The following LRP6 variants were observed in gnomAD, a reference collection of about 807,000 sequenced individuals.
LRP6 encodes the protein low-density lipoprotein receptor-related protein 6.
Under a neutral mutation model 184.1 loss-of-function variants are expected in LRP6, and 43 were observed. That is an observed-to-expected ratio of 0.23 (90% confidence interval 0.18 to 0.30). The LOEUF (loss-of-function observed/expected upper bound fraction) is 0.30. Among genes scored for constraint, LRP6 ranks in the 10% least tolerant of loss-of-function variants. The probability of loss-of-function intolerance (pLI) is 1.00; values close to 1 mark genes in which losing one functional copy is unlikely to be tolerated. For synonymous variants in LRP6, 719 were observed against 684.9 expected (o/e 1.05, Z -0.78); for missense variants, 1,571 against 2,005.3 (o/e 0.78, Z 4.14).
intron 16 of LRP6, among the ~76,000 whole-genome samples, chr12:12,135,920 C>A (rs964546113): frequency 6.6e-6 from 1 of 151,806 alleles, no homozygotes; most frequent in Non-Finnish European, 1.5e-5. Flanking sequence ...TGCGGTGGCT[C>A]ACGCCTGTAA....
chr12:12,244,596 C>T lies in LRP6; in HGVS notation c.115G>A (p.Gly39Ser), dbSNP rs147654774. The T allele has an allele frequency of 1.3e-4, 203 of 1,614,006 alleles. No individual in the cohort carries two copies. Among genetic ancestry groups the T allele is most frequent in the Non-Finnish European group, 1.6e-4 (193 of 1,180,004 alleles). The change falls in exon 2 of 23, where the codon GGC (glycine) becomes AGC (serine). Residue 39 changes from glycine (G) to serine (S), a missense_variant. Gly to Ser is a moderately conservative substitution (Grantham distance 56). This residue lies in a region of LRP6 where 640 missense variants were observed against 851.9 expected (regional missense o/e 0.75). Transcript: ENST00000261349. ...ACTACAATCGTAGCATTCTCTTTGC[C>T]ATTTGTAGCATCAACCAATCGCAAG... is the stretch of plus-strand genomic sequence containing the variant. ...RDLRLVDATN[G>S]KENATIVVGG...
intron 1 of LRP6, 83 bp downstream of exon 1, chr12:12,266,598 T>C (rs1865771047): frequency 2.0e-6 from 2 of 986,848 alleles, no homozygotes; most frequent in Admixed American, 2.0e-5. Context: ...CCTTCCTCCG[T>C]CCCTCCCCTC....
chr12:12,244,145 G>T, intron 2 of LRP6, 117 bp downstream of exon 2: 3 of 998,070 alleles, frequency 3.0e-6, no homozygotes, highest in Non-Finnish European at 4.6e-6. Flanking sequence ...GAAGCCCAAA[G>T]AATCTAAAAT....
chr12:12,187,757 C>T lies in LRP6; in HGVS notation c.648-638G>A, dbSNP rs970261877. The stretch of plus-strand genomic sequence containing the variant: ...TAGCTGACTTTTCACTATATTCAGG[C>T]AGCCAAAAAGAAGTCCTGTTAGTGG... On this transcript the variant is annotated intron_variant, in intron 3 of 22. Coordinates refer to ENST00000261349, the MANE Select transcript of LRP6 (RefSeq NM_002336.3). 3.9e-5 allele frequency among the ~76,000 whole-genome samples: 6 copies of T among 152,142 alleles called. No individual in the cohort carries two copies. The South Asian group carries it at 1.2e-3, about 32-fold the overall frequency.
intron 1 of LRP6, among the ~76,000 whole-genome samples, chr12:12,253,159 G>A (rs1159503029): frequency 2.0e-5 from 3 of 152,194 alleles, no homozygotes; most frequent in Non-Finnish European, 4.4e-5. Context: ...AGCTACCCAG[G>A]AGGCTGAGGC....
chr12:12,202,976 G>A (rs1863955153), intron 3 of LRP6, among the ~76,000 whole-genome samples: 1 of 152,206 alleles, frequency 6.6e-6, no homozygotes, highest in African/African-American at 2.4e-5. Context: ...AGTTAGCTCA[G>A]AGTAAGGAAA....
intron 5 of LRP6, among the ~76,000 whole-genome samples, chr12:12,182,201 G>C (rs562302216): frequency 1.3e-5 from 2 of 152,154 alleles, no homozygotes; most frequent in Admixed American, 1.3e-4. Flanking sequence ...ACCTTGTAAG[G>C]TTGTTGTAAG....
chr12:12,210,060 T>C (rs531236859), intron 2 of LRP6, among the ~76,000 whole-genome samples: 3 of 152,298 alleles, frequency 2.0e-5, no homozygotes, highest in South Asian at 2.1e-4. Flanking sequence ...AGAAGATCCA[T>C]AGAGCTGTAG....
In LRP6 at chr12:12,179,814, A is replaced by G. The variant is rs952064138; in HGVS notation, c.1541T>C (p.Ile514Thr). ...IYWGDAKTDK[I>T]EVMNTDGTGR... Reference sequence around the variant, plus strand: ...ATGAAAAAGCAAAAAACAAACCTCAATCTTGTCTGTTTTGGCATCTCCCCA... The same window carrying G: ...ATGAAAAAGCAAAAAACAAACCTCAGTCTTGTCTGTTTTGGCATCTCCCCA... The change falls in exon 7 of 23, where the codon ATT (isoleucine) becomes ACT (threonine). Residue 514 changes from isoleucine (I) to threonine (T), a missense_variant. Coordinates refer to ENST00000261349, the MANE Select transcript of LRP6 (RefSeq NM_002336.3). 7 of 1,613,724 alleles carry G rather than the reference A, an allele frequency of 4.3e-6. No individual in the cohort carries two copies. The highest frequency in any genetic ancestry group is 5.9e-6 in the Non-Finnish European group (7 of 1,179,750).
intron 2 of LRP6, among the ~76,000 whole-genome samples, chr12:12,210,736 CTT>C (rs946782899): frequency 6.6e-6 from 1 of 152,162 alleles, no homozygotes; most frequent in African/African-American, 2.4e-5. Context: ...TTGGGGGAAA[CTT>C]CAAAAATCAC....
intron 3 of LRP6, among the ~76,000 whole-genome samples, chr12:12,198,984 GCATCT>G (rs1429227796): frequency 2.6e-5 from 4 of 152,058 alleles, no homozygotes; most frequent in Admixed American, 6.6e-5. Flanking sequence ...GCTACACAAT[GCATCT>G]CATCTACCAT....
intron 3 of LRP6, among the ~76,000 whole-genome samples, chr12:12,196,710 T>A (rs114159091): frequency 6.6e-6 from 1 of 152,168 alleles, no homozygotes; most frequent in East Asian, 1.9e-4. Flanking sequence ...TGTACTCTCA[T>A]GGTGCAGTTC....
chr12:12,130,971 T>C (rs1949743558), intron 18 of LRP6, 78 bp from the exon 19 acceptor site: 1 of 783,562 alleles, frequency 1.3e-6, no homozygotes, highest in South Asian at 1.4e-5. Flanking sequence ...AAAAGGTGCC[T>C]TCTGAACACA....
chr12:12,242,305 A>G (rs569983917), intron 2 of LRP6, among the ~76,000 whole-genome samples: 1 of 152,370 alleles, frequency 6.6e-6, no homozygotes, highest in Non-Finnish European at 1.5e-5. Context: ...CAGTAAAGAT[A>G]AACCAAACCC....
At chr12:12,215,292 A>G (rs556033548) in intron 2 of LRP6, among the ~76,000 whole-genome samples, 149 of 152,330 alleles carry the variant, frequency 9.8e-4, no homozygotes, top group South Asian at 1.7e-3. Context: ...TCTCCCACTG[A>G]TCCCTGAGAT....
At chr12:12,155,965 AT>A (rs1950146792) in intron 12 of LRP6, among the ~76,000 whole-genome samples, 1 of 152,238 alleles carries the variant, frequency 6.6e-6, no homozygotes. Context: ...TCTAAGGCAC[AT>A]AAGATATGTC....
chr12:12,156,765 C>A (rs1466697174), intron 12 of LRP6, among the ~76,000 whole-genome samples: 1 of 152,204 alleles, frequency 6.6e-6, no homozygotes, highest in Non-Finnish European at 1.5e-5. Context: ...TGCCTCTATT[C>A]TCTCCCGCTT....
intron 7 of LRP6, among the ~76,000 whole-genome samples, chr12:12,178,786 C>T (rs554519677): frequency 6.6e-6 from 1 of 152,300 alleles, no homozygotes; most frequent in East Asian, 1.9e-4. Flanking sequence ...GCAAGAACAA[C>T]AGATGCCGTT....
chr12:12,141,330 T>C (rs1368962682), intron 15 of LRP6, among the ~76,000 whole-genome samples: 1 of 152,030 alleles, frequency 6.6e-6, no homozygotes, highest in Non-Finnish European at 1.5e-5. Context: ...AAGGACAGCA[T>C]ACAAAGACTG....
Sources: allele counts gnomAD v4.1 joint callset (sites outside exome capture counted in the v4.1 genomes callset), GRCh38; gene constraint gnomAD v4.1.1; regional missense constraint gnomAD v4.1.1; transcripts MANE v1.5; gene names NCBI Gene and HGNC (gene_info 2026-07-23, HGNC 2026-07-21).